Variants in DENND1B observed in about 807,000 individuals in gnomAD.
DENND1B encodes the protein DENN domain-containing protein 1B.
Under a neutral mutation model 90.1 loss-of-function variants are expected in DENND1B, and 59 were observed. That is an observed-to-expected ratio of 0.65 (90% confidence interval 0.53 to 0.81). DENND1B has a LOEUF of 0.81. DENND1B is among the 40% of genes least tolerant of loss of function. The pLI, the probability that DENND1B is intolerant of heterozygous loss-of-function variation, is 0.00. For missense variants in DENND1B, 862 were observed against 912.6 expected, an observed-to-expected ratio of 0.94 and a Z score of 0.71; for synonymous variants, 337 against 324.6, an observed-to-expected ratio of 1.04 and a Z score of -0.41.
At chr1:197,670,961 T>C (rs1351949281) in intron 5 of DENND1B, among the ~76,000 whole-genome samples, 1 of 152,172 alleles carries the variant, frequency 6.6e-6, no homozygotes, top group East Asian at 1.9e-4. Flanking sequence ...ACATTCACGA[T>C]TCTATAACTT....
rs140684485 is a variant in DENND1B, at chr1:197,574,623, C to T, written c.1149+8529G>A. On this transcript the variant is annotated intron_variant, in intron 15 of 22. Transcript: ENST00000620048. ...GTTCATATGGAACCAAAAAAGAGCG[C>T]GCATTGCCAAGACAATCCTAAGCAA... is the stretch of plus-strand genomic sequence containing the variant. Among the ~76,000 whole-genome samples, 952 of 152,176 alleles carry T rather than the reference C, an allele frequency of 6.3e-3. 9 individuals are homozygous for T. Among genetic ancestry groups the T allele is most frequent in the Middle Eastern group, 0.024 (7 of 292 alleles).
chr1:197,566,744 C>T (rs536260985), intron 15 of DENND1B, among the ~76,000 whole-genome samples: 2 of 151,400 alleles, frequency 1.3e-5, no homozygotes, highest in East Asian at 3.9e-4. Flanking sequence ...CCAAACAAAC[C>T]AACAAATATC....
At chr1:197,566,153 T>C (rs542739478) in intron 15 of DENND1B, among the ~76,000 whole-genome samples, 76 of 152,202 alleles carry the variant, frequency 5.0e-4, no homozygotes, top group African/African-American at 1.8e-3. Context: ...CAGCACCTGT[T>C]GTTTCCTGAC....
chr1:197,725,015 T>C (rs543611179), intron 2 of DENND1B, among the ~76,000 whole-genome samples: 1 of 152,098 alleles, frequency 6.6e-6, no homozygotes, highest in South Asian at 2.1e-4. Flanking sequence ...AGACCAAAGA[T>C]ACCAGACTGT....
At chr1:197,689,307 G>T (rs138347912) in intron 3 of DENND1B, among the ~76,000 whole-genome samples, 1 of 151,996 alleles carries the variant, frequency 6.6e-6, no homozygotes, top group Non-Finnish European at 1.5e-5. Flanking sequence ...ATCAAATCTC[G>T]TGAGACTTAC....
At chr1:197,613,986 T>A (rs1309768996) in intron 11 of DENND1B, among the ~76,000 whole-genome samples, 1 of 150,286 alleles carries the variant, frequency 6.7e-6, no homozygotes, top group Admixed American at 6.7e-5. Context: ...TTTCTTAAAA[T>A]CAGAAACAGA....
chr1:197,776,989 G>C (rs1657303074), upstream of DENND1B, among the ~76,000 whole-genome samples: 1 of 151,954 alleles, frequency 6.6e-6, no homozygotes, highest in Non-Finnish European at 1.5e-5. Flanking sequence ...ATTATCTTTT[G>C]AGAAATTATT....
chr1:197,642,305 T>C (rs1349800128), intron 10 of DENND1B, among the ~76,000 whole-genome samples: 1 of 152,126 alleles, frequency 6.6e-6, no homozygotes, highest in Non-Finnish European at 1.5e-5. Flanking sequence ...CAAAGATGAA[T>C]CTACCTATTA....
Position 197,775,112 on chromosome 1 carries a change from C to G in DENND1B, c.17+27G>C, listed in dbSNP as rs750171915. The stretch of plus-strand genomic sequence containing the variant: ...AGGGGCCGCCGAGGGACGCCCGCCC[C>G]CGACGCGCCCGGGCCCCCCCACTCA... On this transcript the variant is annotated intron_variant, in intron 1 of 22. Transcript: ENST00000620048. 1.3e-5 allele frequency: 17 copies of G among 1,262,244 alleles called. 1 individual carries two copies. In the Middle Eastern group the frequency reaches 1.2e-3, roughly 89 times the overall value. The allele number at this position is 1,262,244 out of a possible 1,614,324, so 78.2% of individuals were successfully genotyped here. A position where few individuals can be genotyped will look rare whatever the true frequency, so the allele number is the denominator to read the frequency against.
intron 19 of DENND1B, among the ~76,000 whole-genome samples, 191 bp from the exon 20 acceptor site, chr1:197,540,262 G>T (rs971273257): frequency 6.6e-6 from 1 of 151,316 alleles, no homozygotes; most frequent in African/African-American, 2.4e-5. Context: ...AATTAAATAA[G>T]GTTAATGATC....
chr1:197,626,781 G>C (rs971618409), intron 10 of DENND1B, among the ~76,000 whole-genome samples: 2 of 151,928 alleles, frequency 1.3e-5, no homozygotes, highest in Non-Finnish European at 2.9e-5. Context: ...TAGACCGCTA[G>C]CAAGACTAAT....
intron 12 of DENND1B, among the ~76,000 whole-genome samples, chr1:197,610,581 T>C (rs1258215215): frequency 6.0e-5 from 9 of 150,738 alleles, no homozygotes; most frequent in Admixed American, 4.6e-4. Context: ...AGTACACTAA[T>C]ATAAAAATCA....
At chr1:197,749,348 A>G (rs1310216015) in intron 2 of DENND1B, among the ~76,000 whole-genome samples, 1 of 152,110 alleles carries the variant, frequency 6.6e-6, no homozygotes, top group Admixed American at 6.5e-5. Context: ...AACCTAGCAC[A>G]TAACAACCAA....
intron 13 of DENND1B, chr1:197,606,024 A>C: frequency 6.6e-6 from 1 of 151,144 alleles, no homozygotes; most frequent in Non-Finnish European, 1.5e-5. Flanking sequence ...AGGCATTTTT[A>C]TTCCCAAATT....
intron 10 of DENND1B, among the ~76,000 whole-genome samples, chr1:197,625,373 GA>G (rs1678585758): frequency 6.6e-6 from 1 of 152,094 alleles, no homozygotes; most frequent in African/African-American, 2.4e-5. Context: ...CATTCTTAAA[GA>G]AAAGAATTTT....
intron 12 of DENND1B, among the ~76,000 whole-genome samples, chr1:197,610,758 T>C (rs763822233): frequency 1.3e-5 from 2 of 150,878 alleles, no homozygotes; most frequent in African/African-American, 2.4e-5. Flanking sequence ...TGAAAGTACC[T>C]TGGCATGTAA....
chr1:197,629,615 C>T lies in DENND1B; in HGVS notation c.673-11856G>A, dbSNP rs959688838. The stretch of plus-strand genomic sequence containing the variant: ...ATGGGTGCAGCCCACCAGCATGGCA[C>T]ATGTATACATATGTAACTAAGCTGC... On this transcript the variant is annotated intron_variant, in intron 10 of 22. Coordinates refer to ENST00000620048, the MANE Select transcript of DENND1B (RefSeq NM_001195215.2). Among the ~76,000 whole-genome samples, 8 of 151,806 alleles carry T rather than the reference C, an allele frequency of 5.3e-5. No individual in the cohort carries two copies. The South Asian group carries it at 1.2e-3, about 24-fold the overall frequency.
chr1:197,633,023 T>C (rs537762018), intron 10 of DENND1B, among the ~76,000 whole-genome samples: 55 of 152,280 alleles, frequency 3.6e-4, no homozygotes, highest in African/African-American at 1.3e-3. Context: ...AGGATTGAGA[T>C]TCTTTGAGAA....
intron 16 of DENND1B, among the ~76,000 whole-genome samples, chr1:197,551,642 C>A (rs1671250836): frequency 6.6e-6 from 1 of 152,098 alleles, no homozygotes; most frequent in African/African-American, 2.4e-5. Context: ...GATCATAGTT[C>A]TAGCCTCTTA....
Sources: gnomAD v4.1 joint callset for allele counts (sites outside exome capture counted in the v4.1 genomes callset) on GRCh38, gnomAD v4.1.1 for gene constraint, MANE v1.5 for transcripts, NCBI Gene and HGNC (gene_info 2026-07-23, HGNC 2026-07-21) for gene names.